Variants in GALNTL6 observed in about 807,000 individuals in gnomAD.
The protein encoded by GALNTL6 is polypeptide N-acetylgalactosaminyltransferase like 6.
GALNTL6 carries 46 observed loss-of-function variants against 73.7 expected under a neutral mutation model. That is an observed-to-expected ratio of 0.62 (90% CI 0.49 to 0.80). The LOEUF (loss-of-function observed/expected upper bound fraction) is 0.80. GALNTL6 is among the 30% of genes least tolerant of loss of function. The pLI is 0.00. For synonymous variants in GALNTL6, 259 were observed against 263.7 expected (o/e 0.98, Z 0.17); for missense variants, 604 against 755.0 (o/e 0.80, Z 2.34).
At chr4:172,778,133 C>G (rs931924615) in intron 5 of GALNTL6, among the ~76,000 whole-genome samples, 16 of 152,222 alleles carry the variant, frequency 1.1e-4, no homozygotes, top group Admixed American at 9.8e-4. Context: ...TGGCCATTGA[C>G]GTATTCATTT....
chr4:172,412,420 G>A (rs1579048375), intron 5 of GALNTL6, among the ~76,000 whole-genome samples: 1 of 152,264 alleles, frequency 6.6e-6, no homozygotes, highest in African/African-American at 2.4e-5. Flanking sequence ...GCTCTCTGTG[G>A]TTCTTTTATC....
chr4:172,416,176 C>T (rs1320838784), intron 5 of GALNTL6, among the ~76,000 whole-genome samples: 4 of 152,098 alleles, frequency 2.6e-5, no homozygotes, highest in Non-Finnish European at 5.9e-5. Context: ...AGAGTGCAGG[C>T]TCAGAAAGCA....
At chr4:172,267,668 T>A (rs978849664) in intron 3 of GALNTL6, among the ~76,000 whole-genome samples, 3 of 152,144 alleles carry the variant, frequency 2.0e-5, no homozygotes, top group African/African-American at 7.2e-5. Context: ...GTTCCTCTCA[T>A]GTGTTCCTTG....
chr4:172,630,178 G>A (rs577808393), intron 5 of GALNTL6, among the ~76,000 whole-genome samples: 2 of 152,094 alleles, frequency 1.3e-5, no homozygotes, highest in East Asian at 3.9e-4. Flanking sequence ...GTCTTCTGCA[G>A]GTTTTCACCA....
chr4:171,923,777 A>G (rs1455283853), intron 2 of GALNTL6, among the ~76,000 whole-genome samples: 1 of 94,814 alleles, frequency 1.1e-5, no homozygotes, highest in Non-Finnish European at 2.1e-5. Flanking sequence ...GGACACACAA[A>G]AAGTATTGCT....
At chr4:172,883,152 A>C (rs1056332215) in intron 8 of GALNTL6, among the ~76,000 whole-genome samples, 1 of 152,168 alleles carries the variant, frequency 6.6e-6, no homozygotes, top group Non-Finnish European at 1.5e-5. Flanking sequence ...ACAATGCATA[A>C]TGATCAAATC....
At chr4:172,474,414 T>C (rs1317926108) in intron 5 of GALNTL6, among the ~76,000 whole-genome samples, 4 of 152,214 alleles carry the variant, frequency 2.6e-5, no homozygotes, top group Non-Finnish European at 4.4e-5. Flanking sequence ...TGTCTTCCTA[T>C]GGTAGAATGT....
rs149466034 is a variant in GALNTL6 at position 172,338,919 on chromosome 4, G to A, written c.387-9604G>A. Among the ~76,000 whole-genome samples the A allele has an allele frequency of 6.0e-3, 921 of 152,266 alleles. 11 individuals carry two copies. The highest frequency in any genetic ancestry group is 0.021 in the African/African-American group (854 of 41,548). ...GAGGGCAGCCTAAACTCCTAATCCAGGAGAGTGGATGTTTTATAAGCTTGG... is the reference window on the plus strand; with the variant it reads ...GAGGGCAGCCTAAACTCCTAATCCAAGAGAGTGGATGTTTTATAAGCTTGG... On this transcript the variant is annotated intron_variant, in intron 4 of 12. Coordinates refer to ENST00000506823, the MANE Select transcript of GALNTL6 (RefSeq NM_001034845.3).
intron 11 of GALNTL6, among the ~76,000 whole-genome samples, chr4:173,013,338 T>C (rs1752636698): frequency 6.6e-6 from 1 of 152,084 alleles, no homozygotes; most frequent in South Asian, 2.1e-4. Context: ...CTCTCTACCA[T>C]CTCTATTCAA....
chr4:172,828,510 AC>A (rs1183856145), intron 7 of GALNTL6, among the ~76,000 whole-genome samples: 9 of 152,126 alleles, frequency 5.9e-5, no homozygotes, highest in Admixed American at 3.9e-4. Flanking sequence ...CTATGAGCCT[AC>A]CAGTCTTTTC....
In GALNTL6 at chr4:172,391,562, A is replaced by G. The variant is rs556014615; in HGVS notation, c.553+42873A>G. ...ATTCACAAGTGGAAGAGGCTTTATG[A>G]CTTGATTACCTCTTAAAGGCAGGCC... is the stretch of plus-strand genomic sequence containing the variant. On this transcript the variant is annotated intron_variant, in intron 5 of 12. Transcript: ENST00000506823. Among the ~76,000 whole-genome samples, 59 of 152,190 alleles carry G rather than the reference A, an allele frequency of 3.9e-4. 3 individuals are homozygous for G. The South Asian group carries it at 0.011, about 29-fold the overall frequency.
intron 2 of GALNTL6, among the ~76,000 whole-genome samples, chr4:172,102,738 G>A (rs560892798): frequency 6.6e-6 from 1 of 152,264 alleles, no homozygotes; most frequent in Non-Finnish European, 1.5e-5. Context: ...TAGAGAAAGT[G>A]GTGATTCCCT....
intron 5 of GALNTL6, among the ~76,000 whole-genome samples, chr4:172,745,441 A>T (rs1179815972): frequency 1.4e-5 from 2 of 139,066 alleles, no homozygotes; most frequent in East Asian, 3.9e-4. Flanking sequence ...ATATATATAT[A>T]TATGTACACA....
At chr4:172,343,900 A>C (rs1578976766) in intron 4 of GALNTL6, among the ~76,000 whole-genome samples, 3 of 152,274 alleles carry the variant, frequency 2.0e-5, no homozygotes, top group South Asian at 2.1e-4. Flanking sequence ...TTGAAGAATT[A>C]GTTTTTATCC....
intron 5 of GALNTL6, among the ~76,000 whole-genome samples, chr4:172,472,454 T>C (rs1395322400): frequency 6.6e-6 from 1 of 152,188 alleles, no homozygotes; most frequent in Admixed American, 6.5e-5. Context: ...TGAGCTCATA[T>C]GATTTTATGG....
chr4:172,036,912 A>G (rs1187095240), intron 2 of GALNTL6, among the ~76,000 whole-genome samples: 4 of 152,130 alleles, frequency 2.6e-5, no homozygotes, highest in African/African-American at 9.7e-5. Flanking sequence ...CCTAGGGATA[A>G]CATGAAGTTT....
intron 5 of GALNTL6, among the ~76,000 whole-genome samples, chr4:172,771,155 A>G (rs1365196070): frequency 6.6e-6 from 1 of 152,226 alleles, no homozygotes; most frequent in African/African-American, 2.4e-5. Context: ...AACTGTGCAC[A>G]ATTTATTTCC....
intron 5 of GALNTL6, among the ~76,000 whole-genome samples, chr4:172,379,471 A>G (rs1264993087): frequency 7.1e-6 from 1 of 140,602 alleles, no homozygotes; most frequent in Non-Finnish European, 1.5e-5. Context: ...CGGAGCTTGC[A>G]GTGAGCCGAG....
intron 10 of GALNTL6, among the ~76,000 whole-genome samples, chr4:172,955,283 GC>G (rs1485184358): frequency 6.6e-6 from 1 of 152,000 alleles, no homozygotes; most frequent in African/African-American, 2.4e-5. Flanking sequence ...TTCGAGACCA[GC>G]CTAGCCAACA....
Sources: allele counts gnomAD v4.1 joint callset (sites outside exome capture counted in the v4.1 genomes callset), GRCh38; gene constraint gnomAD v4.1.1; transcripts MANE v1.5; gene names NCBI Gene and HGNC (gene_info 2026-07-23, HGNC 2026-07-21).